The following STYX variants were observed in gnomAD, a reference collection of about 807,000 sequenced individuals.
STYX encodes the protein serine/threonine/tyrosine interacting protein.
A neutral mutation model predicts 42.7 loss-of-function variants in STYX; 20 were observed. That is an observed-to-expected ratio of 0.47 (90% CI 0.33 to 0.68). The LOEUF (loss-of-function observed/expected upper bound fraction) is 0.68, where lower values mean the gene tolerates loss of function less well. Ranked by LOEUF, STYX falls within the 30% of genes least tolerant of loss-of-function variation. STYX has a pLI of 0.02. For missense variants in STYX, 226 were observed against 268.5 expected, an observed-to-expected ratio of 0.84 and a Z score of 1.11; for synonymous variants, 78 against 81.9, an observed-to-expected ratio of 0.95 and a Z score of 0.26.
At chr14:52,760,871 A>G (rs1481605873) in intron 9 of STYX, among the ~76,000 whole-genome samples, 1 of 152,058 alleles carries the variant, frequency 6.6e-6, no homozygotes, top group Non-Finnish European at 1.5e-5. Flanking sequence ...ACAGGCATGC[A>G]ATGTGTAATA....
rs1217660334 is a variant in STYX, at chr14:52,772,088, C to T, written c.*982C>T. On this transcript the variant is annotated 3_prime_UTR_variant, in exon 11 of 11. Transcript: ENST00000354586. ...AAAAAAATAATTAAATCCTCATGGC[C>T]TCTAAATTAGTATGTAGAACACTGA... is the stretch of plus-strand genomic sequence containing the variant. 4 of 152,350 alleles carry T rather than the reference C, an allele frequency of 2.6e-5. No homozygotes were observed. Among genetic ancestry groups the T allele is most frequent in the Non-Finnish European group, 5.9e-5 (4 of 67,958 alleles). The allele number at this position is 152,350 out of a possible 1,614,324, so 9.4% of individuals were successfully genotyped here. A position where few individuals can be genotyped will look rare whatever the true frequency, so the allele number is the denominator to read the frequency against.
chr14:52,743,969 G>T (rs188093999), intron 1 of STYX, among the ~76,000 whole-genome samples: 1 of 151,558 alleles, frequency 6.6e-6, no homozygotes, highest in Non-Finnish European at 1.5e-5. Context: ...TTACAGGCAG[G>T]CTCCACCATG....
chr14:52,735,043 C>T (rs1566667734), intron 1 of STYX, among the ~76,000 whole-genome samples: 1 of 150,284 alleles, frequency 6.7e-6, no homozygotes, highest in African/African-American at 2.5e-5. Context: ...GGAGACAGAG[C>T]GAGACTCCAT....
At chr14:52,744,331 T>C (rs535632561) in intron 1 of STYX, among the ~76,000 whole-genome samples, 4 of 152,336 alleles carry the variant, frequency 2.6e-5, no homozygotes, top group African/African-American at 9.6e-5. Context: ...CCAAGTGAGA[T>C]GAAGGAAAGG....
chr14:52,750,097 T>C (rs1015102517), intron 3 of STYX, among the ~76,000 whole-genome samples: 1 of 152,212 alleles, frequency 6.6e-6, no homozygotes, highest in Non-Finnish European at 1.5e-5. Context: ...ATACTCAACC[T>C]GTATTGAATA....
At chr14:52,739,870 G>C (rs187294181) in intron 1 of STYX, among the ~76,000 whole-genome samples, 16 of 151,694 alleles carry the variant, frequency 1.1e-4, no homozygotes, top group Non-Finnish European at 2.4e-4. Flanking sequence ...TCTTGAACTC[G>C]GGCTCAAGCT....
intron 9 of STYX, among the ~76,000 whole-genome samples, chr14:52,764,606 A>C (rs1190825849): frequency 1.3e-5 from 2 of 148,750 alleles, no homozygotes; most frequent in African/African-American, 2.5e-5. Flanking sequence ...TATAGTTTAA[A>C]ATTTTTTGGT....
At chr14:52,769,061 A>G in intron 10 of STYX, 128 bp downstream of exon 10, 1 of 646,808 alleles carries the variant, frequency 1.5e-6, no homozygotes, top group East Asian at 2.9e-5. Flanking sequence ...CTAATTCCAG[A>G]AGGATTCATT....
At chr14:52,764,152 C>G (rs1329780142) in intron 9 of STYX, among the ~76,000 whole-genome samples, 2 of 151,938 alleles carry the variant, frequency 1.3e-5, no homozygotes, top group African/African-American at 4.8e-5. Context: ...ATCACCACGC[C>G]CGGCTAATTT....
intron 9 of STYX, among the ~76,000 whole-genome samples, chr14:52,764,222 A>G (rs1402444401): frequency 6.6e-6 from 1 of 152,036 alleles, no homozygotes; most frequent in Non-Finnish European, 1.5e-5. Context: ...CGAACTCCTG[A>G]CCTCATGATC....
At chr14:52,732,255 G>A (rs925791451) in intron 1 of STYX, among the ~76,000 whole-genome samples, 4 of 139,174 alleles carry the variant, frequency 2.9e-5, no homozygotes, top group Non-Finnish European at 6.1e-5. Context: ...GGCGCGCACC[G>A]CCAGGCCCAG....
At position 52,750,682 on chromosome 14, in the gene STYX, G is replaced by T; in HGVS notation, c.145-1G>T. On this transcript the variant is annotated splice_acceptor_variant, in intron 3 of 10. Coordinates refer to ENST00000354586, the MANE Select transcript of STYX (RefSeq NM_145251.4). LOFTEE classifies it high-confidence loss of function. ...CTCCCCCTGCTTTTTTTTTTATACA[G>T]CTACCTGTACTACAGAAACATGGAA... The T allele has an allele frequency of 6.5e-7, 1 of 1,538,956 alleles. No homozygotes were observed.
chr14:52,741,714 C>T (rs1881201948), intron 1 of STYX, among the ~76,000 whole-genome samples: 2 of 152,172 alleles, frequency 1.3e-5, no homozygotes, highest in African/African-American at 2.4e-5. Context: ...TGGTAATTTA[C>T]AGGTGTAAGC....
At chr14:52,742,968 G>T (rs995962500) in intron 1 of STYX, among the ~76,000 whole-genome samples, 79 of 151,522 alleles carry the variant, frequency 5.2e-4, no homozygotes, top group African/African-American at 1.8e-3. Flanking sequence ...GCTAATTTTT[G>T]TATTTTTAGT....
chr14:52,744,984 G>T (rs1484868202), intron 2 of STYX, 100 bp downstream of exon 2: 7 of 942,506 alleles, frequency 7.4e-6, no homozygotes. Flanking sequence ...TGATCTGTAG[G>T]TTCATCATTA....
At chr14:52,756,638 A>G (rs375162784) in intron 5 of STYX, 27 bp downstream of exon 5, 10 of 943,988 alleles carry the variant, frequency 1.1e-5, no homozygotes, top group Non-Finnish European at 1.5e-5. Flanking sequence ...TTTAAATATC[A>G]TTTAAAATTT....
At chr14:52,746,314 CTTG>C (rs1252725449) in intron 2 of STYX, 109 bp from the exon 3 acceptor site, 6 of 676,704 alleles carry the variant, frequency 8.9e-6, no homozygotes, top group Admixed American at 3.4e-5. Flanking sequence ...TAGTTCCAAT[CTTG>C]TTGTATCTTG....
Position 52,773,402 on chromosome 14 carries a change from A to G in STYX, c.*2296A>G, listed in dbSNP as rs1386791904. The G allele has an allele frequency of 2.6e-5, 4 of 151,500 alleles. No individual in the cohort carries two copies. Among genetic ancestry groups the G allele is most frequent in the Non-Finnish European group, 4.4e-5 (3 of 68,082 alleles). The allele number at this position is 151,500 out of a possible 1,614,324, so 9.4% of individuals were successfully genotyped here. On this transcript the variant is annotated 3_prime_UTR_variant, in exon 11 of 11. Coordinates refer to ENST00000354586, the MANE Select transcript of STYX (RefSeq NM_145251.4). ...ACCCAGGCTGGAGTACAGTGGCACA[A>G]TCTTGGCTCACTGCAACCTCCACCT...
chr14:52,772,110 C>T lies in STYX; in HGVS notation c.*1004C>T, dbSNP rs1882533129. On this transcript the variant is annotated 3_prime_UTR_variant, in exon 11 of 11. Transcript: ENST00000354586. The stretch of plus-strand genomic sequence containing the variant: ...GGCCTCTAAATTAGTATGTAGAACA[C>T]TGAAAAGTTCTTAACATTTTTGTGT... 6.6e-6 allele frequency: 1 copy of T among 152,230 alleles called. No homozygotes were observed. The highest frequency in any genetic ancestry group is 1.5e-5 in the Non-Finnish European group (1 of 67,940). 9.4% of individuals were successfully genotyped at this position (152,230 alleles called of 1,614,324 possible).
Sources: allele counts gnomAD v4.1 joint callset (sites outside exome capture counted in the v4.1 genomes callset), GRCh38; gene constraint gnomAD v4.1.1; transcripts MANE v1.5; gene names NCBI Gene and HGNC (gene_info 2026-07-23, HGNC 2026-07-21).